Variants in NTAQ1 observed in about 807,000 individuals in gnomAD.
NTAQ1 encodes the protein N-terminal glutamine amidase 1.
In NTAQ1, 21 loss-of-function variants were observed where a neutral mutation model predicts 28.2. The observed-to-expected ratio is 0.74, with a 90% CI of 0.53 to 1.07. NTAQ1 has a LOEUF of 1.07. Among genes scored for constraint, NTAQ1 ranks in the 50% least tolerant of loss-of-function variants. The probability of loss-of-function intolerance (pLI) is 0.00; values close to 1 mark genes in which losing one functional copy is unlikely to be tolerated. For synonymous variants in NTAQ1, 105 were observed against 90.0 expected, an observed-to-expected ratio of 1.17 and a Z score of -0.94; for missense variants, 264 against 256.6, an observed-to-expected ratio of 1.03 and a Z score of -0.20.
chr8:123,428,340 G>A (rs1814193993), intron 2 of NTAQ1, among the ~76,000 whole-genome samples: 2 of 152,038 alleles, frequency 1.3e-5, no homozygotes, highest in Admixed American at 1.3e-4. Context: ...GAGACTACAG[G>A]CATGTGCCAC....
downstream of NTAQ1, among the ~76,000 whole-genome samples, chr8:123,473,953 T>C (rs1816066896): frequency 6.6e-6 from 1 of 152,218 alleles, no homozygotes; most frequent in African/African-American, 2.4e-5. Context: ...ATTATTAATA[T>C]CATTGGTATG....
downstream of NTAQ1, among the ~76,000 whole-genome samples, chr8:123,452,424 C>G (rs372936292): frequency 1.4e-3 from 208 of 152,302 alleles, no homozygotes; most frequent in Middle Eastern, 0.014. Context: ...TGATGAAACC[C>G]TGTCTCTACT....
At chr8:123,466,836 A>G (rs112900458) in intron 6 of NTAQ1, among the ~76,000 whole-genome samples, 105 of 152,334 alleles carry the variant, frequency 6.9e-4, no homozygotes, top group African/African-American at 2.5e-3. Flanking sequence ...ATTTTACAGT[A>G]AAGGGATGAT....
At chr8:123,467,954 G>C (rs2130441906) in exon 7 of NTAQ1, among the ~76,000 whole-genome samples, 1 of 152,258 alleles carries the variant, frequency 6.6e-6, no homozygotes, top group East Asian at 1.9e-4. Context: ...TGCCATGTTG[G>C]TCAGGCTGGT....
At chr8:123,416,759 G>C, upstream of NTAQ1, 2 of 1,282,266 alleles carry the variant, frequency 1.6e-6, no homozygotes, top group Non-Finnish European at 2.0e-6. Context: ...CCCACGCCGG[G>C]AACCCACGCG....
chr8:123,440,586 A>T (rs1217252034), intron 5 of NTAQ1, among the ~76,000 whole-genome samples: 2 of 148,944 alleles, frequency 1.3e-5, no homozygotes, highest in Non-Finnish European at 3.0e-5. Context: ...TACACCCTCC[A>T]ACTCCCAGGT....
At chr8:123,424,363 C>G (rs1813912504) in intron 1 of NTAQ1, among the ~76,000 whole-genome samples, 1 of 152,094 alleles carries the variant, frequency 6.6e-6, no homozygotes, top group South Asian at 2.1e-4. Flanking sequence ...CTGCCTCAGC[C>G]TCCTGAGTAG....
At chr8:123,462,078 C>T (rs1815838467) in intron 6 of NTAQ1, among the ~76,000 whole-genome samples, 1 of 152,044 alleles carries the variant, frequency 6.6e-6, no homozygotes, top group Admixed American at 6.5e-5. Flanking sequence ...GACAGTCTCG[C>T]TGTGTCACCC....
chr8:123,418,753 G>A (rs1813472310), intron 1 of NTAQ1, among the ~76,000 whole-genome samples: 1 of 152,176 alleles, frequency 6.6e-6, no homozygotes, highest in African/African-American at 2.4e-5. Flanking sequence ...TGGAGTTAGA[G>A]CAGTCTTGTA....
Position 123,427,957 on chromosome 8 carries a change from C to A in NTAQ1, c.117C>A (p.Ile39=). 1 of 1,609,754 alleles carries A rather than the reference C, an allele frequency of 6.2e-7. No individual in the cohort carries two copies. Among genetic ancestry groups the A allele is most frequent in the Non-Finnish European group, 8.5e-7 (1 of 1,178,392 alleles). The part of the protein sequence containing the change: ...EENIWKLCEY[I]KNHDQYPLEE... ...ATATTTGGAAGCTCTGTGAATACAT[C>A]AAAAACCATGACCAGTATCCTTTAG... is the stretch of plus-strand genomic sequence containing the variant. Residue 39 remains isoleucine, a synonymous_variant, in exon 2 of 6, where the codon ATC becomes ATA. Transcript: ENST00000287387.
chr8:123,441,429 A>G lies in NTAQ1; in HGVS notation c.*14A>G. On this transcript the variant is annotated 3_prime_UTR_variant, in exon 6 of 6. Transcript: ENST00000287387. ...AAAAACTGCTGAACTTGGTCTCAAG[A>G]TGTGGAACTGTGGAGAAATTCTAGG... is the stretch of plus-strand genomic sequence containing the variant. 6.3e-6 allele frequency: 10 copies of G among 1,589,334 alleles called. No individual in the cohort carries two copies. The highest frequency in any genetic ancestry group is 8.6e-6 in the Non-Finnish European group (10 of 1,164,498).
At chr8:123,455,617 G>A (rs192197542) in intron 6 of NTAQ1, among the ~76,000 whole-genome samples, 77 of 151,846 alleles carry the variant, frequency 5.1e-4, no homozygotes, top group Non-Finnish European at 9.6e-4. Flanking sequence ...TAGAAACAGC[G>A]TTTCACCATG....
At chr8:123,449,958 T>TGTGTGTGC (rs1453165844), downstream of NTAQ1, among the ~76,000 whole-genome samples, 3 of 52,992 alleles carry the variant, frequency 5.7e-5, 1 homozygote, top group African/African-American at 1.9e-4. Context: ...TGCATATATA[T>TGTGTGTGC]ATATATATAT....
chr8:123,469,379 A>G (rs1171515711), exon 7 of NTAQ1, among the ~76,000 whole-genome samples: 1 of 152,234 alleles, frequency 6.6e-6, no homozygotes, highest in Non-Finnish European at 1.5e-5. Context: ...AGCCTTGGTC[A>G]AGCTTACAGA....
intron 1 of NTAQ1, among the ~76,000 whole-genome samples, chr8:123,424,072 G>GTTTTTTTTTT (rs35733686): frequency 2.3e-5 from 2 of 85,864 alleles, no homozygotes; most frequent in African/African-American, 9.6e-5. Context: ...ATTTTTATGC[G>GTTTTTTTTTT]TTTTTTTTTT....
chr8:123,423,972 T>C (rs1813881046), intron 1 of NTAQ1, among the ~76,000 whole-genome samples: 1 of 151,654 alleles, frequency 6.6e-6, no homozygotes, highest in Non-Finnish European at 1.5e-5. Flanking sequence ...AACCTCTGCC[T>C]CTCGGGTTCA....
chr8:123,471,098 A>T (rs1816036973), downstream of NTAQ1, among the ~76,000 whole-genome samples: 2 of 144,124 alleles, frequency 1.4e-5, no homozygotes, highest in Admixed American at 7.0e-5. Context: ...TTAAAAAAAG[A>T]TTTTTTTTTT....
intron 1 of NTAQ1, among the ~76,000 whole-genome samples, chr8:123,417,841 A>G (rs1813398784): frequency 6.6e-6 from 1 of 152,134 alleles, no homozygotes; most frequent in African/African-American, 2.4e-5. Context: ...CATTTTACTA[A>G]TAAAAAGACT....
intron 3 of NTAQ1, among the ~76,000 whole-genome samples, chr8:123,431,563 G>A (rs934835505): frequency 1.3e-5 from 2 of 152,178 alleles, no homozygotes; most frequent in African/African-American, 2.4e-5. Flanking sequence ...CAGAGCTGAC[G>A]TTCTCAGTTT....
Sources: allele counts gnomAD v4.1 joint callset (sites outside exome capture counted in the v4.1 genomes callset), GRCh38; gene constraint gnomAD v4.1.1; transcripts MANE v1.5; gene names NCBI Gene and HGNC (gene_info 2026-07-23, HGNC 2026-07-21).